Variants in KANSL1 observed in about 807,000 individuals in gnomAD.
The protein encoded by KANSL1 is MLL1/MLL complex subunit KANSL1.
Under a neutral mutation model 103.6 loss-of-function variants are expected in KANSL1, and 22 were observed. That is an observed-to-expected ratio of 0.21 (90% confidence interval 0.15 to 0.30). The LOEUF is 0.30. KANSL1 is among the 10% of genes least tolerant of loss of function. The pLI, the probability that KANSL1 is intolerant of heterozygous loss-of-function variation, is 1.00. For synonymous variants in KANSL1, 600 were observed against 527.6 expected (o/e 1.14, Z -1.88); for missense variants, 1,337 against 1,399.8 (o/e 0.96, Z 0.72).
intron 2 of KANSL1, among the ~76,000 whole-genome samples, chr17:46,113,988 G>C (rs2042934168): frequency 6.6e-6 from 1 of 152,022 alleles, no homozygotes; most frequent in Non-Finnish European, 1.5e-5. Context: ...GCCCAAAATG[G>C]GGCCCAAAGG....
intron 2 of KANSL1, among the ~76,000 whole-genome samples, chr17:46,163,877 C>G (rs1208724302): frequency 6.6e-6 from 1 of 152,210 alleles, no homozygotes; most frequent in Non-Finnish European, 1.5e-5. Context: ...GCCACCAAAG[C>G]CCTATACCTT....
intron 2 of KANSL1, among the ~76,000 whole-genome samples, chr17:46,167,503 T>A (rs1158738588): frequency 1.3e-5 from 2 of 152,252 alleles, no homozygotes. Flanking sequence ...GAAATATCAT[T>A]GTTTAGTGAC....
chr17:46,213,782 G>A (rs1031290059), intron 1 of KANSL1, among the ~76,000 whole-genome samples: 2 of 151,980 alleles, frequency 1.3e-5, no homozygotes, highest in African/African-American at 2.4e-5. Context: ...GCCGGGTGTG[G>A]TGGCACGTGC....
intron 12 of KANSL1, 58 bp from the exon 13 acceptor site, chr17:46,033,250 C>CA: frequency 6.8e-7 from 1 of 1,464,984 alleles, no homozygotes; most frequent in Non-Finnish European, 9.4e-7. Context: ...GAACCAGTCC[C>CA]ACCCCATTCT....
chr17:46,042,839 G>GTA (rs2077373301), intron 7 of KANSL1: 5 of 151,694 alleles, frequency 3.3e-5, no homozygotes, highest in Non-Finnish European at 5.9e-5. Flanking sequence ...TTTCCCAGTG[G>GTA]GTAAGCACCC....
At chr17:46,127,853 T>C (rs2043651231) in intron 2 of KANSL1, among the ~76,000 whole-genome samples, 1 of 152,214 alleles carries the variant, frequency 6.6e-6, no homozygotes. Context: ...GATAAAGCAT[T>C]TCCTACACCA....
intron 1 of KANSL1, among the ~76,000 whole-genome samples, chr17:46,175,302 T>C (rs2046464825): frequency 6.7e-6 from 1 of 148,516 alleles, no homozygotes; most frequent in Non-Finnish European, 1.5e-5. Flanking sequence ...GTCGAATCTG[T>C]CTTATTGCTG....
intron 1 of KANSL1, among the ~76,000 whole-genome samples, chr17:46,179,087 T>C (rs1375191914): frequency 6.6e-6 from 1 of 152,220 alleles, no homozygotes; most frequent in Non-Finnish European, 1.5e-5. Context: ...GCAACATCTC[T>C]GTTTTCCACC....
intron 2 of KANSL1, among the ~76,000 whole-genome samples, chr17:46,143,479 A>G (rs1233297133): frequency 6.7e-6 from 1 of 149,200 alleles, no homozygotes; most frequent in South Asian, 2.1e-4. Context: ...GGGCAACAAG[A>G]GCAAAACTTC....
chr17:46,194,498 C>T (rs984464550), upstream of KANSL1, among the ~76,000 whole-genome samples: 7 of 152,196 alleles, frequency 4.6e-5, no homozygotes, highest in Non-Finnish European at 1.0e-4. Context: ...GGAACCTTTC[C>T]TAGACTTAAA....
intron 2 of KANSL1, among the ~76,000 whole-genome samples, chr17:46,143,720 C>T (rs1413093479): frequency 1.4e-5 from 2 of 142,032 alleles, no homozygotes; most frequent in African/African-American, 2.6e-5. Flanking sequence ...AGGAGAATGG[C>T]GTGAACCCAG....
intron 2 of KANSL1, among the ~76,000 whole-genome samples, chr17:46,103,375 A>T (rs964664617): frequency 6.6e-6 from 1 of 152,224 alleles, no homozygotes; most frequent in African/African-American, 2.4e-5. Context: ...TTTTTAAGCC[A>T]ATTCCCAACA....
chr17:46,040,461 T>G (rs1256817538), intron 7 of KANSL1: 1 of 152,296 alleles, frequency 6.6e-6, no homozygotes, highest in African/African-American at 2.4e-5. Context: ...GACTGAATTT[T>G]TTATGCTGTT....
At chr17:46,056,706 T>C (rs2077944652) in intron 6 of KANSL1, among the ~76,000 whole-genome samples, 1 of 152,224 alleles carries the variant, frequency 6.6e-6, no homozygotes, top group African/African-American at 2.4e-5. Flanking sequence ...ATCCTTAAAT[T>C]TTCTCACTTG....
intron 2 of KANSL1, among the ~76,000 whole-genome samples, chr17:46,095,572 C>T (rs1487069962): frequency 1.3e-5 from 2 of 152,150 alleles, no homozygotes; most frequent in East Asian, 3.8e-4. Context: ...AAAATTAGTT[C>T]CCTTCTTCAT....
intron 6 of KANSL1, among the ~76,000 whole-genome samples, chr17:46,053,511 C>G (rs537193475): frequency 9.2e-5 from 14 of 151,552 alleles, no homozygotes; most frequent in African/African-American, 3.4e-4. Context: ...TGCAGTGGCG[C>G]AAGTCTGCCT....
chr17:46,179,238 A>G (rs2046669377), intron 1 of KANSL1, among the ~76,000 whole-genome samples: 1 of 152,230 alleles, frequency 6.6e-6, no homozygotes, highest in Non-Finnish European at 1.5e-5. Context: ...ACACATATAT[A>G]TACTCTTTCA....
At chr17:46,195,863 A>T (rs1216674224), upstream of KANSL1, among the ~76,000 whole-genome samples, 1 of 152,228 alleles carries the variant, frequency 6.6e-6, no homozygotes, top group African/African-American at 2.4e-5. Context: ...AAATTTTCTT[A>T]AATTTCCCCC....
In KANSL1 at chr17:46,128,738, A is replaced by G. The variant is rs1240377425; in HGVS notation, c.1290-34037T>C. 2.6e-5 allele frequency among the ~76,000 whole-genome samples: 4 copies of G among 152,352 alleles called. No homozygotes were observed. In the East Asian group the frequency reaches 7.7e-4, roughly 29 times the overall value. ...CATGGCTGGAGCACAGAGAGCCAAA[A>G]GAGAGGTGATAAAGACAACACCAAT... On this transcript the variant is annotated intron_variant, in intron 2 of 14. Coordinates refer to ENST00000432791, the MANE Select transcript of KANSL1 (RefSeq NM_015443.4).
Sources: allele counts gnomAD v4.1 joint callset (sites outside exome capture counted in the v4.1 genomes callset), GRCh38; gene constraint gnomAD v4.1.1; transcripts MANE v1.5; gene names NCBI Gene and HGNC (gene_info 2026-07-23, HGNC 2026-07-21).